NMD3: variants seen among roughly 807,000 people sequenced by gnomAD.
NMD3 encodes the protein 60S ribosomal export protein NMD3.
A neutral mutation model predicts 73.1 loss-of-function variants in NMD3; 47 were observed. That is an observed-to-expected ratio of 0.64 (90% CI 0.51 to 0.82). The LOEUF (loss-of-function observed/expected upper bound fraction) is 0.82, where lower values mean the gene tolerates loss of function less well. NMD3 is among the 40% of genes least tolerant of loss of function. The probability of loss-of-function intolerance (pLI) is 0.00; values close to 1 mark genes in which losing one functional copy is unlikely to be tolerated. For missense variants in NMD3, 554 were observed against 612.5 expected (o/e 0.90, Z 1.01); for synonymous variants, 210 against 194.5 (o/e 1.08, Z -0.66).
intron 3 of NMD3, among the ~76,000 whole-genome samples, chr3:161,226,558 A>G (rs1484989449): frequency 1.3e-5 from 2 of 152,234 alleles, no homozygotes; most frequent in Non-Finnish European, 2.9e-5. Flanking sequence ...ACTTTCTGTT[A>G]TGTAACAAGT....
intron 10 of NMD3, 93 bp from the exon 11 acceptor site, chr3:161,242,415 A>C: frequency 8.5e-7 from 1 of 1,171,288 alleles, no homozygotes; most frequent in African/African-American, 1.5e-5. Context: ...GCCACTTCCC[A>C]GTTGGTATCT....
chr3:161,229,518 T>C (rs144057877), intron 4 of NMD3, among the ~76,000 whole-genome samples: 216 of 152,326 alleles, frequency 1.4e-3, no homozygotes, highest in South Asian at 8.9e-3. Flanking sequence ...CATCTGTAAC[T>C]GGTATTTAGA....
At chr3:161,243,412 A>G (rs186226779) in intron 11 of NMD3, among the ~76,000 whole-genome samples, 5 of 152,162 alleles carry the variant, frequency 3.3e-5, no homozygotes, top group African/African-American at 1.2e-4. Flanking sequence ...ACTATGGATA[A>G]GGGGGGGATT....
At position 161,251,135 on chromosome 3, in the gene NMD3, G is replaced by A. The variant is rs767818176; in HGVS notation, c.*225G>A. The stretch of plus-strand genomic sequence containing the variant: ...GAGAATGTAGTTGTTATTGATTTTT[G>A]GCAATTTTACATTTGGAATTTTATC... On this transcript the variant is annotated 3_prime_UTR_variant, in exon 16 of 16. Transcript: ENST00000351193. 2 of 343,704 alleles carry A rather than the reference G, an allele frequency of 5.8e-6. No homozygotes were observed. The highest frequency in any genetic ancestry group is 1.1e-5 in the Non-Finnish European group (2 of 188,934). 21.3% of individuals were successfully genotyped at this position (343,704 alleles called of 1,614,324 possible). A position where few individuals can be genotyped will look rare whatever the true frequency, so the allele number is the denominator to read the frequency against.
chr3:161,243,412 A>AG (rs1337235665), intron 11 of NMD3, among the ~76,000 whole-genome samples: 1 of 152,162 alleles, frequency 6.6e-6, no homozygotes, highest in African/African-American at 2.4e-5. Flanking sequence ...ACTATGGATA[A>AG]GGGGGGGATT....
In NMD3 at chr3:161,238,093, G is replaced by A. The variant is rs1359317954; in HGVS notation, c.578-20G>A. Reference sequence around the variant, plus strand: ...TATTTTGCATAATTATTTTCATAGGGCTTTTTTTTTTTTTTTAAGATGGTC... The same window carrying A: ...TATTTTGCATAATTATTTTCATAGGACTTTTTTTTTTTTTTTAAGATGGTC... On this transcript the variant is annotated intron_variant, in intron 7 of 15. Transcript: ENST00000351193. 8 of 1,364,798 alleles carry A rather than the reference G, an allele frequency of 5.9e-6. 1 individual carries two copies. The Admixed American group carries it at 9.2e-5, about 16-fold the overall frequency. The allele number at this position is 1,364,798 out of a possible 1,614,324, so 84.5% of individuals were successfully genotyped here.
intron 13 of NMD3, among the ~76,000 whole-genome samples, chr3:161,247,591 A>G (rs1162829686): frequency 6.6e-6 from 1 of 151,630 alleles, no homozygotes; most frequent in Non-Finnish European, 1.5e-5. Context: ...GTTCGAGACC[A>G]GCCTGACCAA....
intron 9 of NMD3, 47 bp downstream of exon 9, chr3:161,238,873 A>G (rs760764818): frequency 1.1e-6 from 1 of 907,838 alleles, no homozygotes; most frequent in South Asian, 1.5e-5. Context: ...GAGTACAAGT[A>G]ATTAATTGGC....
At chr3:161,222,532 G>A (rs757167435) in intron 2 of NMD3, among the ~76,000 whole-genome samples, 6 of 151,514 alleles carry the variant, frequency 4.0e-5, no homozygotes, top group Non-Finnish European at 7.4e-5. Context: ...TTTAAATTTT[G>A]AACATCTTAA....
At chr3:161,242,403 C>G (rs1017187199) in intron 10 of NMD3, 105 bp from the exon 11 acceptor site, 106 of 1,024,838 alleles carry the variant, frequency 1.0e-4, no homozygotes, top group Non-Finnish European at 1.5e-4. Flanking sequence ...TTCTGTTGAC[C>G]TGCCACTTCC....
chr3:161,222,512 T>A (rs1560062070), intron 2 of NMD3, among the ~76,000 whole-genome samples: 1 of 152,160 alleles, frequency 6.6e-6, no homozygotes, highest in African/African-American at 2.4e-5. Flanking sequence ...GAGATTATAA[T>A]GTAGTAATTT....
intron 13 of NMD3, 97 bp downstream of exon 13, chr3:161,247,427 A>G: frequency 1.5e-6 from 1 of 675,798 alleles, no homozygotes. Context: ...GAAAATAACA[A>G]ATCAATTTAG....
chr3:161,247,802 A>AC (rs1332392126), intron 13 of NMD3, among the ~76,000 whole-genome samples: 2 of 151,434 alleles, frequency 1.3e-5, no homozygotes, highest in Admixed American at 1.3e-4. Context: ...AAAAAAAAAA[A>AC]AGAAATGGGA....
intron 9 of NMD3, among the ~76,000 whole-genome samples, chr3:161,240,294 A>C (rs1048730774): frequency 2.6e-5 from 4 of 152,076 alleles, no homozygotes; most frequent in South Asian, 2.1e-4. Flanking sequence ...TTTGGGCTTA[A>C]ATCTTTGATT....
At chr3:161,245,334 T>C (rs567856454) in intron 11 of NMD3, among the ~76,000 whole-genome samples, 1 of 152,002 alleles carries the variant, frequency 6.6e-6, no homozygotes, top group African/African-American at 2.4e-5. Flanking sequence ...CAGGCAGATA[T>C]AAAACCAGAT....
chr3:161,238,042 A>G, intron 7 of NMD3, 71 bp from the exon 8 acceptor site: 2 of 976,490 alleles, frequency 2.0e-6, no homozygotes, highest in Non-Finnish European at 1.6e-6. Context: ...AATTTATAAT[A>G]TAGTCATGTT....
rs553724756 is a variant in NMD3, at chr3:161,245,650, G to A, written c.1018-686G>A. Among the ~76,000 whole-genome samples, 17 of 150,990 alleles carry A rather than the reference G, an allele frequency of 1.1e-4. No individual in the cohort carries two copies. The South Asian group carries it at 3.2e-3, about 28-fold the overall frequency. On this transcript the variant is annotated intron_variant, in intron 11 of 15. Coordinates refer to ENST00000351193, the MANE Select transcript of NMD3 (RefSeq NM_015938.5). ...TTATAACTCTTAGTATTTTTCTCTC[G>A]ATCTCACTTCAGTTGGTCTGTCTTT...
intron 7 of NMD3, among the ~76,000 whole-genome samples, chr3:161,237,082 A>C (rs1220543966): frequency 6.6e-6 from 1 of 152,154 alleles, no homozygotes; most frequent in Non-Finnish European, 1.5e-5. Flanking sequence ...GAATATCTTT[A>C]ATATTTCTCA....
At chr3:161,253,409 G>A (rs1004695019), downstream of NMD3, 2 of 151,936 alleles carry the variant, frequency 1.3e-5, no homozygotes, top group Admixed American at 6.6e-5. Flanking sequence ...ACAAAATGTC[G>A]CAAGTATTCC....
Sources: gnomAD v4.1 joint callset for allele counts (sites outside exome capture counted in the v4.1 genomes callset) on GRCh38, gnomAD v4.1.1 for gene constraint, MANE v1.5 for transcripts, NCBI Gene and HGNC (gene_info 2026-07-23, HGNC 2026-07-21) for gene names.